Variants in ZNF735 observed in about 807,000 individuals in gnomAD.
ZNF735 encodes putative zinc finger protein 735.
In ZNF735, 11 loss-of-function variants were observed where a neutral mutation model predicts 13.4. The observed-to-expected ratio is 0.82, with a 90% CI of 0.52 to 1.36. The LOEUF (loss-of-function observed/expected upper bound fraction) is 1.36. Among genes scored for constraint, ZNF735 ranks in the 40% most tolerant of loss-of-function variants. The pLI, the probability that ZNF735 is intolerant of heterozygous loss-of-function variation, is 0.00. For synonymous variants in ZNF735, 171 were observed against 162.6 expected, an observed-to-expected ratio of 1.05 and a Z score of -0.39; for missense variants, 500 against 484.6, an observed-to-expected ratio of 1.03 and a Z score of -0.30.
chr7:64,214,507 GA>G (rs1381209960), intron 3 of ZNF735, among the ~76,000 whole-genome samples: 1 of 152,062 alleles, frequency 6.6e-6, no homozygotes, highest in Non-Finnish European at 1.5e-5. Flanking sequence ...AAATGTGTGA[GA>G]ATAGTAATTT....
intron 1 of ZNF735, among the ~76,000 whole-genome samples, chr7:64,210,645 G>A (rs112613896): frequency 0.039 from 5,927 of 152,252 alleles, 185 homozygotes; most frequent in East Asian, 0.16. Flanking sequence ...AGGTCAGTGC[G>A]GTTCGTGCTC....
chr7:64,217,662 G>T (rs1168091181), intron 3 of ZNF735, among the ~76,000 whole-genome samples: 1 of 151,622 alleles, frequency 6.6e-6, no homozygotes, highest in African/African-American at 2.4e-5. Context: ...CCTAGTAAAT[G>T]GACTCATTTT....
chr7:64,214,552 A>C (rs1352223825), intron 3 of ZNF735, among the ~76,000 whole-genome samples: 1 of 152,078 alleles, frequency 6.6e-6, no homozygotes, highest in African/African-American at 2.4e-5. Context: ...TTTTCTGTAC[A>C]TGCCATTCTG....
rs144917711 is a variant in ZNF735, at chr7:64,213,810, T to G, written c.167-203T>G. Reference sequence around the variant, plus strand: ...TCCGTCTCTACTAAAAATACAAAAATTAGCTGGGCGTGGTGGTATGTGCCT... The same window carrying G: ...TCCGTCTCTACTAAAAATACAAAAAGTAGCTGGGCGTGGTGGTATGTGCCT... On this transcript the variant is annotated intron_variant, in intron 2 of 3. Transcript: ENST00000429565. Among the ~76,000 whole-genome samples the G allele has an allele frequency of 6.5e-3, 989 of 151,924 alleles. 14 individuals are homozygous for G. The highest frequency in any genetic ancestry group is 0.023 in the African/African-American group (950 of 41,430).
chr7:64,219,439 A>G (rs1210013927), exon 4 of ZNF735: 10 of 1,613,952 alleles, frequency 6.2e-6, no homozygotes, highest in South Asian at 2.2e-5. Context: ...AAAATGTTGT[A>G]AAAGAGTAGA....
At chr7:64,217,276 C>CTGTAA (rs749879703) in intron 3 of ZNF735, among the ~76,000 whole-genome samples, 3 of 152,206 alleles carry the variant, frequency 2.0e-5, no homozygotes, top group Non-Finnish European at 4.4e-5. Context: ...TTGCCTTCCA[C>CTGTAA]TGTAATTGCA....
intron 1 of ZNF735, among the ~76,000 whole-genome samples, chr7:64,209,228 G>GT (rs377315967): frequency 0.38 from 53,052 of 139,646 alleles, 9,918 homozygotes; most frequent in Middle Eastern, 0.42. Flanking sequence ...CATCTGTTCC[G>GT]TTTTTTTTTT....
exon 4 of ZNF735, chr7:64,219,804 G>T: frequency 1.2e-6 from 2 of 1,610,640 alleles, no homozygotes; most frequent in Admixed American, 3.4e-5. Flanking sequence ...AAGCCTTTAG[G>T]TGGCCCTCAA....
chr7:64,220,277 A>G (rs751773221), exon 4 of ZNF735: 3 of 1,608,368 alleles, frequency 1.9e-6, no homozygotes, highest in South Asian at 1.1e-5. Context: ...GAGAAACCCT[A>G]CAAATGTAAA....
rs2116490495 is a variant in ZNF735, at chr7:64,219,911, A to G, written c.860A>G (p.His287Arg). ...AGGCGCTCCTCAACACTTACTAACC[A>G]CAAGAGAATTCATACTGGAGAGAGA... The change falls in exon 4 of 4, where the codon CAC (histidine) becomes CGC (arginine). Residue 287 changes from histidine (H) to arginine (R), a missense_variant. Coordinates refer to ENST00000429565, the Ensembl canonical transcript of ZNF735. 4 of 1,613,972 alleles carry G rather than the reference A, an allele frequency of 2.5e-6. No individual in the cohort carries two copies. In the East Asian group the frequency reaches 8.9e-5, roughly 36 times the overall value.
At chr7:64,218,315 T>C (rs1787445941) in intron 3 of ZNF735, among the ~76,000 whole-genome samples, 1 of 152,142 alleles carries the variant, frequency 6.6e-6, no homozygotes, top group Non-Finnish European at 1.5e-5. Flanking sequence ...TTATAAATAA[T>C]ACCTCATTTT....
chr7:64,209,504 T>C (rs910671256), intron 1 of ZNF735, among the ~76,000 whole-genome samples: 2 of 152,150 alleles, frequency 1.3e-5, no homozygotes, highest in Non-Finnish European at 2.9e-5. Context: ...TTTTTGTATT[T>C]GTAGTAGAGA....
At chr7:64,219,623 G>A (rs758566059) in exon 4 of ZNF735, 5 of 1,577,202 alleles carry the variant, frequency 3.2e-6, no homozygotes, top group East Asian at 2.3e-5. Flanking sequence ...AAAAAATATG[G>A]CAAATCATTT....
At chr7:64,219,234 C>T in intron 3 of ZNF735, 80 bp from the exon 4 acceptor site, 1 of 1,514,676 alleles carries the variant, frequency 6.6e-7, no homozygotes, top group Non-Finnish European at 8.8e-7. Flanking sequence ...GTACCTTGAA[C>T]AATTTTATAT....
chr7:64,217,761 T>C (rs1041018516), intron 3 of ZNF735, among the ~76,000 whole-genome samples: 4 of 152,102 alleles, frequency 2.6e-5, no homozygotes, highest in Non-Finnish European at 2.9e-5. Context: ...TTGTGCTACA[T>C]TGGAGATTTT....
At chr7:64,208,946 A>G (rs1243228582) in intron 1 of ZNF735, among the ~76,000 whole-genome samples, 2 of 152,152 alleles carry the variant, frequency 1.3e-5, no homozygotes, top group African/African-American at 4.8e-5. Context: ...TATGTAACAC[A>G]TTTTCTTTAT....
exon 3 of ZNF735, chr7:64,214,091 T>A: frequency 6.2e-7 from 1 of 1,600,300 alleles, no homozygotes; most frequent in Non-Finnish European, 8.5e-7. Flanking sequence ...AGAAATGAGA[T>A]GGCAGCCAAA....
chr7:64,217,452 G>A (rs945719226), intron 3 of ZNF735, among the ~76,000 whole-genome samples: 9 of 151,508 alleles, frequency 5.9e-5, no homozygotes, highest in African/African-American at 2.2e-4. Flanking sequence ...ACAATACAAT[G>A]TTCTTCAGGT....
intron 2 of ZNF735, among the ~76,000 whole-genome samples, chr7:64,213,635 C>G (rs1005327287): frequency 3.3e-5 from 5 of 152,012 alleles, no homozygotes; most frequent in African/African-American, 1.2e-4. Context: ...TTTTACTGAG[C>G]ATAATACTAG....
Sources: allele counts gnomAD v4.1 joint callset (sites outside exome capture counted in the v4.1 genomes callset), GRCh38; gene constraint gnomAD v4.1.1; transcripts MANE v1.5; gene names NCBI Gene and HGNC (gene_info 2026-07-23, HGNC 2026-07-21).